The following ZC3H7A variants were observed in gnomAD, a reference collection of about 807,000 sequenced individuals.
ZC3H7A encodes zinc finger CCCH-type containing 7A, also known as zinc finger CCCH domain-containing protein 7A.
In ZC3H7A, 44 loss-of-function variants were observed where a neutral mutation model predicts 125.5. The ratio of observed to expected loss-of-function variants is 0.35; its 90% CI spans 0.28 to 0.45. The LOEUF is 0.45. Ranked by LOEUF, ZC3H7A falls within the 20% of genes least tolerant of loss-of-function variation. The pLI, the probability that ZC3H7A is intolerant of heterozygous loss-of-function variation, is 1.00. For synonymous variants in ZC3H7A, 399 were observed against 391.2 expected (o/e 1.02, Z -0.23); for missense variants, 977 against 1,170.7 (o/e 0.83, Z 2.41).
chr16:11,770,490 G>A (rs1236365523), intron 10 of ZC3H7A, among the ~76,000 whole-genome samples: 9 of 152,254 alleles, frequency 5.9e-5, no homozygotes, highest in Admixed American at 1.3e-4. Flanking sequence ...CTTTACGGGA[G>A]AATACATTGT....
At chr16:11,778,401 C>T (rs889525112) in intron 4 of ZC3H7A, among the ~76,000 whole-genome samples, 1 of 142,404 alleles carries the variant, frequency 7.0e-6, no homozygotes, top group Non-Finnish European at 1.5e-5. Context: ...CGTGCCACTG[C>T]ACTCCAGCCT....
intron 1 of ZC3H7A, among the ~76,000 whole-genome samples, chr16:11,792,199 C>T (rs1306653002): frequency 1.3e-5 from 2 of 152,328 alleles, no homozygotes; most frequent in Admixed American, 1.3e-4. Flanking sequence ...TGACCTGTGT[C>T]TGGCCCAAGG....
Position 11,751,259 on chromosome 16 carries a change from C to A in ZC3H7A, c.*58G>T. 6.6e-7 allele frequency: 1 copy of A among 1,518,236 alleles called. No individual in the cohort carries two copies. Among genetic ancestry groups the A allele is most frequent in the Non-Finnish European group, 8.9e-7 (1 of 1,125,968 alleles). The allele number at this position is 1,518,236 out of a possible 1,614,324, so 94.0% of individuals were successfully genotyped here. A position where few individuals can be genotyped will look rare whatever the true frequency, so the allele number is the denominator to read the frequency against. On this transcript the variant is annotated 3_prime_UTR_variant, in exon 23 of 23. Coordinates refer to ENST00000355758, the MANE Select transcript of ZC3H7A (RefSeq NM_014153.4). ...AGCTCCTCTGCTATGTGCCTCAGAA[C>A]ACTTTCAATTTTTCTGGTCAATGCT...
rs1245630682 is a variant in ZC3H7A at position 11,774,656 on chromosome 16, G to C, written c.620-137C>G. 7 of 1,107,778 alleles carry C rather than the reference G, an allele frequency of 6.3e-6. No homozygotes were observed. In the African/African-American group the frequency reaches 1.1e-4, roughly 18 times the overall value. 68.6% of individuals were successfully genotyped at this position (1,107,778 alleles called of 1,614,324 possible). A position where few individuals can be genotyped will look rare whatever the true frequency, so the allele number is the denominator to read the frequency against. ...ATAATAAAATTGACAGTATAGTAAAGCAATTCCAAACAGATACAGTCACGT... is the reference window on the plus strand; with the variant it reads ...ATAATAAAATTGACAGTATAGTAAACCAATTCCAAACAGATACAGTCACGT... On this transcript the variant is annotated intron_variant, in intron 8 of 22. Coordinates refer to ENST00000355758, the MANE Select transcript of ZC3H7A (RefSeq NM_014153.4).
chr16:11,783,744 C>A (rs895141149), intron 1 of ZC3H7A, among the ~76,000 whole-genome samples: 1 of 152,192 alleles, frequency 6.6e-6, no homozygotes, highest in Non-Finnish European at 1.5e-5. Flanking sequence ...TTTTTAGTTT[C>A]ATTATTGCTT....
At chr16:11,760,282 A>T (rs891349828) in intron 19 of ZC3H7A, among the ~76,000 whole-genome samples, 2 of 152,172 alleles carry the variant, frequency 1.3e-5, no homozygotes, top group Non-Finnish European at 2.9e-5. Flanking sequence ...CTCAGGAACC[A>T]GGGTTGTTCT....
At position 11,765,818 on chromosome 16, in the gene ZC3H7A, C is replaced by T. The variant is rs758012809; in HGVS notation, c.1523-133G>A. The T allele has an allele frequency of 1.0e-5, 7 of 677,552 alleles. No homozygotes were observed. Among genetic ancestry groups the T allele is most frequent in the South Asian group, 2.9e-5 (1 of 34,472 alleles). The allele number at this position is 677,552 out of a possible 1,614,324, so 42.0% of individuals were successfully genotyped here. On this transcript the variant is annotated intron_variant, in intron 13 of 22. Coordinates refer to ENST00000355758, the MANE Select transcript of ZC3H7A (RefSeq NM_014153.4). The surrounding 1 kb of genome is among the most constrained non-coding windows in gnomAD (Gnocchi z 4.8). ...GCTGCGGTGAGCAATGATCTTGCCA[C>T]TGCACTCCAGCCTGGGCAACAGAGC... is the stretch of plus-strand genomic sequence containing the variant.
chr16:11,780,607 C>T (rs2053159813), intron 3 of ZC3H7A, among the ~76,000 whole-genome samples: 1 of 152,140 alleles, frequency 6.6e-6, no homozygotes. Flanking sequence ...CTTTAGACCC[C>T]AGGTCCACGT....
chr16:11,780,562 A>C (rs1479201179), intron 3 of ZC3H7A, among the ~76,000 whole-genome samples: 1 of 152,224 alleles, frequency 6.6e-6, no homozygotes, highest in Non-Finnish European at 1.5e-5. Context: ...GGACGGATCA[A>C]CTATTAACAA....
rs1567391079 is a variant in ZC3H7A, at chr16:11,782,289, T to C, written c.66A>G (p.Ile22Met). 5.0e-6 allele frequency: 8 copies of C among 1,614,226 alleles called. No homozygotes were observed. Among genetic ancestry groups the C allele is most frequent in the Non-Finnish European group, 5.9e-6 (7 of 1,180,028 alleles). Residue 22 changes from isoleucine to methionine, a missense_variant and splice_region_variant, in exon 2 of 23, where the codon ATA becomes ATG. Ile to Met is a conservative substitution (Grantham distance 10, BLOSUM62 1). Around this residue, in one of 3 missense-constraint regions of ZC3H7A, gnomAD observed 199 missense variants for 256.1 expected, o/e 0.78. Transcript: ENST00000355758. ...QQNIKEGLQF[I>M]QSPLSYPGTQ... Reference sequence around the variant, plus strand: ...CACAAGAACTCTGAAGCTCTTACTGTATAAACTGCAGTCCTTCCTTAATGT... The same window carrying C: ...CACAAGAACTCTGAAGCTCTTACTGCATAAACTGCAGTCCTTCCTTAATGT...
chr16:11,771,753 G>C (rs1339735423), intron 9 of ZC3H7A, among the ~76,000 whole-genome samples: 1 of 152,032 alleles, frequency 6.6e-6, no homozygotes, highest in East Asian at 2.0e-4. Flanking sequence ...CAACCGCCTA[G>C]AACTCCCAAA....
rs1244449962 is a variant in ZC3H7A at position 11,770,926 on chromosome 16, G to A, written c.965C>T (p.Ser322Leu). The A allele has an allele frequency of 1.5e-5, 25 of 1,613,926 alleles. No homozygotes were observed. The East Asian group carries it at 3.8e-4, about 24-fold the overall frequency. ...GGGTAAGGTTCCTAACAGCGATGCC[G>A]AAAAGGGCATGCTAGGAGAGACACT... ...TASVSPSMPF[S>L]ASLLGTLPIG... is the part of the protein sequence containing the mutation. Residue 322 changes from serine (S) to leucine (L), a missense_variant, in exon 10 of 23, where the codon TCG (serine) becomes TTG (leucine). Ser to Leu is a moderately radical substitution (Grantham distance 145). This residue lies in a region of ZC3H7A where 342 missense variants were observed against 311.3 expected (regional missense o/e 1.10). Coordinates refer to ENST00000355758, the MANE Select transcript of ZC3H7A (RefSeq NM_014153.4).
intron 9 of ZC3H7A, among the ~76,000 whole-genome samples, chr16:11,772,918 G>A (rs930346324): frequency 4.6e-5 from 7 of 151,738 alleles, no homozygotes; most frequent in African/African-American, 7.3e-5. Context: ...GGCTGGTCTC[G>A]AACTCCTGGT....
At chr16:11,769,248 G>A (rs928899683) in intron 10 of ZC3H7A, among the ~76,000 whole-genome samples, 153 bp from the exon 11 acceptor site, 1 of 152,112 alleles carries the variant, frequency 6.6e-6, no homozygotes, top group East Asian at 1.9e-4. Context: ...CCCAAAGAGG[G>A]CTCTAGAGTC....
chr16:11,795,384 G>T (rs2053420379), intron 1 of ZC3H7A, among the ~76,000 whole-genome samples: 1 of 152,204 alleles, frequency 6.6e-6, no homozygotes, highest in South Asian at 2.1e-4. Context: ...TCGAAATATT[G>T]TACAAAATAT....
rs1351254363 is a variant in ZC3H7A at position 11,776,233 on chromosome 16, A to C, written c.585+87T>G. The C allele has an allele frequency of 8.8e-6, 12 of 1,359,508 alleles. No homozygotes were observed. In the South Asian group the frequency reaches 1.2e-4, roughly 13 times the overall value. 84.2% of individuals were successfully genotyped at this position (1,359,508 alleles called of 1,614,324 possible). On this transcript the variant is annotated intron_variant, in intron 7 of 22. Coordinates refer to ENST00000355758, the MANE Select transcript of ZC3H7A (RefSeq NM_014153.4). ...AGGAATTAAAAAGGTTCCAAAAATAAACACACACCAAAAATACTAAAAGTA... is the reference window on the plus strand; with the variant it reads ...AGGAATTAAAAAGGTTCCAAAAATACACACACACCAAAAATACTAAAAGTA...
chr16:11,767,559 G>A lies in ZC3H7A; in HGVS notation c.1380C>T (p.Phe460=), dbSNP rs2052881782. ...FVKSGPKLMD[F]TYHANIDHKC... ...TATGATCTATGTTAGCATGGTAAGT[G>A]AAATCCATTAACTTAGGGCCTGAAA... The change falls in exon 13 of 23, where the codon TTC becomes TTT. Residue 460 remains phenylalanine (F), a synonymous_variant. Coordinates refer to ENST00000355758, the MANE Select transcript of ZC3H7A (RefSeq NM_014153.4). The A allele has an allele frequency of 1.3e-6, 2 of 1,586,676 alleles. No homozygotes were observed. Among genetic ancestry groups the A allele is most frequent in the African/African-American group, 2.7e-5 (2 of 73,544 alleles).
chr16:11,771,853 T>C (rs2052988776), intron 9 of ZC3H7A, among the ~76,000 whole-genome samples: 1 of 152,070 alleles, frequency 6.6e-6, no homozygotes, highest in Admixed American at 6.6e-5. Flanking sequence ...TCTGCAAAAC[T>C]TCCTTATGCT....
At chr16:11,783,172 G>C (rs1294165575) in intron 1 of ZC3H7A, 1 of 152,104 alleles carries the variant, frequency 6.6e-6, no homozygotes, top group African/African-American at 2.4e-5. Context: ...TGTAAGCCAA[G>C]TTTAAACCTT....
Sources: allele counts gnomAD v4.1 joint callset (sites outside exome capture counted in the v4.1 genomes callset), GRCh38; gene constraint gnomAD v4.1.1; regional missense constraint gnomAD v4.1.1; non-coding constraint Gnocchi (gnomAD v3.1); transcripts MANE v1.5; gene names NCBI Gene and HGNC (gene_info 2026-07-23, HGNC 2026-07-21).